Variants in MARCHF3 observed in about 807,000 individuals in gnomAD.
MARCHF3 encodes membrane associated ring-CH-type finger 3, also known as E3 ubiquitin-protein ligase MARCHF3.
Under a neutral mutation model 24.2 loss-of-function variants are expected in MARCHF3, and 13 were observed. That is an observed-to-expected ratio of 0.54 (90% CI 0.35 to 0.85). MARCHF3 has a LOEUF of 0.85. MARCHF3 is among the 40% of genes least tolerant of loss of function. MARCHF3 has a pLI of 0.01. For missense variants in MARCHF3, 276 were observed against 325.0 expected, an observed-to-expected ratio of 0.85 and a Z score of 1.16; for synonymous variants, 144 against 137.3, an observed-to-expected ratio of 1.05 and a Z score of -0.34.
rs200964939 is a variant in MARCHF3, at chr5:126,989,331, CTACTACTAATAA to C, written c.-57+41007_-57+41018del. ...AGTACTACTACTACTACTACTACTA[CTACTACTAATAA>C]TAATAATAATATTAGGACTAAAGAG... On this transcript the variant is annotated intron_variant, in intron 1 of 4. Transcript: ENST00000308660. 7.7e-3 allele frequency among the ~76,000 whole-genome samples: 1,096 copies of C among 142,266 alleles called. 15 individuals carry two copies. Among genetic ancestry groups the C allele is most frequent in the East Asian group, 0.029 (125 of 4,262 alleles). The allele number at this position is 142,266 out of a possible 152,430, so 93.3% of individuals were successfully genotyped here.
chr5:126,871,768 A>C (rs1355293350), intron 4 of MARCHF3, among the ~76,000 whole-genome samples: 2 of 151,130 alleles, frequency 1.3e-5, no homozygotes, highest in Non-Finnish European at 2.9e-5. Flanking sequence ...GTGCGGTGAC[A>C]TGATCTCAGC....
rs771840871 is a variant in MARCHF3, at chr5:126,869,843, T to C, written c.*790A>G. ...AGGTTTTATCATTAAAAAAAGAGTATTGCAATCAGTGGGTTTTGTCTTTCA... is the reference window on the plus strand; with the variant it reads ...AGGTTTTATCATTAAAAAAAGAGTACTGCAATCAGTGGGTTTTGTCTTTCA... On this transcript the variant is annotated 3_prime_UTR_variant, in exon 5 of 5. Coordinates refer to ENST00000308660, the MANE Select transcript of MARCHF3 (RefSeq NM_178450.5). 1.3e-5 allele frequency: 2 copies of C among 152,486 alleles called. No individual in the cohort carries two copies. Among genetic ancestry groups the C allele is most frequent in the Admixed American group, 6.5e-5 (1 of 15,268 alleles). The allele number at this position is 152,486 out of a possible 1,614,324, so 9.4% of individuals were successfully genotyped here.
intron 1 of MARCHF3, among the ~76,000 whole-genome samples, chr5:126,919,452 TTAAA>T (rs1749022513): frequency 6.6e-6 from 1 of 152,166 alleles, no homozygotes; most frequent in African/African-American, 2.4e-5. Flanking sequence ...AGGCTCAGAC[TTAAA>T]TAAATGAAAT....
chr5:126,943,122 T>C (rs1178357149), intron 1 of MARCHF3, among the ~76,000 whole-genome samples: 2 of 152,070 alleles, frequency 1.3e-5, no homozygotes, highest in East Asian at 3.9e-4. Flanking sequence ...CCTGCCTCAC[T>C]GTGTTGAGTA....
At chr5:126,958,055 C>G (rs1449250469) in intron 1 of MARCHF3, among the ~76,000 whole-genome samples, 2 of 152,084 alleles carry the variant, frequency 1.3e-5, no homozygotes, top group Non-Finnish European at 2.9e-5. Context: ...CACGGGAAAG[C>G]TATTGATTTT....
chr5:126,918,926 AT>A (rs1749004023), intron 1 of MARCHF3, among the ~76,000 whole-genome samples: 1 of 152,168 alleles, frequency 6.6e-6, no homozygotes, highest in South Asian at 2.1e-4. Context: ...ATGAGCTTTT[AT>A]TTTCTAATGA....
At chr5:126,908,672 C>T (rs973319654) in intron 3 of MARCHF3, among the ~76,000 whole-genome samples, 9 of 151,586 alleles carry the variant, frequency 5.9e-5, no homozygotes, top group Non-Finnish European at 1.2e-4. Context: ...TCAGCTCCAT[C>T]AGCTCCTTTA....
intron 1 of MARCHF3, among the ~76,000 whole-genome samples, chr5:126,976,526 A>C (rs1751203864): frequency 6.6e-6 from 1 of 152,150 alleles, no homozygotes; most frequent in African/African-American, 2.4e-5. Flanking sequence ...TGTGGTTTCC[A>C]AAAGCTGAGC....
chr5:126,992,628 C>T (rs977068131), intron 1 of MARCHF3, among the ~76,000 whole-genome samples: 23 of 152,048 alleles, frequency 1.5e-4, no homozygotes, highest in African/African-American at 5.1e-4. Context: ...CTACACATTA[C>T]GGGTTCCTGG....
At chr5:126,977,298 T>C (rs568256332) in intron 1 of MARCHF3, among the ~76,000 whole-genome samples, 7 of 152,354 alleles carry the variant, frequency 4.6e-5, no homozygotes, top group African/African-American at 1.7e-4. Flanking sequence ...CCTTGGCTGC[T>C]GGAAAGCTTA....
chr5:127,002,207 A>G (rs73786290), intron 1 of MARCHF3, among the ~76,000 whole-genome samples: 7,854 of 152,326 alleles, frequency 0.052, 376 homozygotes, highest in South Asian at 0.14. Flanking sequence ...CCAGCCAAAC[A>G]GCAAGGCCTT....
chr5:126,999,348 G>C (rs1004951107), intron 1 of MARCHF3, among the ~76,000 whole-genome samples: 1 of 151,964 alleles, frequency 6.6e-6, no homozygotes, highest in Non-Finnish European at 1.5e-5. Context: ...CATTAGAGCC[G>C]GCCAGTCCAA....
rs1202237435 is a variant in MARCHF3, at chr5:126,897,700, G to A, written c.393+17230C>T. Among the ~76,000 whole-genome samples, 3 of 152,030 alleles carry A rather than the reference G, an allele frequency of 2.0e-5. No individual in the cohort carries two copies. In the South Asian group the frequency reaches 6.2e-4, roughly 32 times the overall value. ...GGGGAAGAAACCATTGACGCCTCTG[G>A]GCCAGTTTCCTCATTTATATCCACA... On this transcript the variant is annotated intron_variant, in intron 3 of 4. Transcript: ENST00000308660.
intron 1 of MARCHF3, among the ~76,000 whole-genome samples, chr5:127,017,396 C>G (rs910295353): frequency 6.6e-6 from 1 of 152,168 alleles, no homozygotes; most frequent in Non-Finnish European, 1.5e-5. Context: ...ATTACTCAAA[C>G]TTCCCTCTTG....
intron 1 of MARCHF3, among the ~76,000 whole-genome samples, chr5:127,006,835 G>A (rs1752325853): frequency 6.6e-6 from 1 of 152,098 alleles, no homozygotes; most frequent in African/African-American, 2.4e-5. Context: ...ATTAACATTA[G>A]TAACGTCCCG....
chr5:126,938,551 C>CA (rs780942587), intron 1 of MARCHF3, among the ~76,000 whole-genome samples: 1,876 of 130,430 alleles, frequency 0.014, 15 homozygotes, highest in Non-Finnish European at 0.018. Flanking sequence ...GCAAAAAAAG[C>CA]AAAAAAAAAA....
chr5:126,906,530 CCTGGT>C (rs759975283), intron 3 of MARCHF3, among the ~76,000 whole-genome samples: 2 of 152,210 alleles, frequency 1.3e-5, no homozygotes, highest in Non-Finnish European at 2.9e-5. Flanking sequence ...TCAACTTCTT[CCTGGT>C]TCAGTCTTGG....
At chr5:126,997,550 A>G (rs1751988766) in intron 1 of MARCHF3, among the ~76,000 whole-genome samples, 1 of 152,166 alleles carries the variant, frequency 6.6e-6, no homozygotes, top group Non-Finnish European at 1.5e-5. Flanking sequence ...TAGGCTTTCG[A>G]TCTCTCCCTA....
chr5:126,902,528 A>G (rs1243838157), intron 3 of MARCHF3, among the ~76,000 whole-genome samples: 2 of 152,066 alleles, frequency 1.3e-5, no homozygotes, highest in African/African-American at 4.8e-5. Flanking sequence ...AATTCTTTTT[A>G]TACACAGAAC....
Sources: gnomAD v4.1 joint callset for allele counts (sites outside exome capture counted in the v4.1 genomes callset) on GRCh38, gnomAD v4.1.1 for gene constraint, MANE v1.5 for transcripts, NCBI Gene and HGNC (gene_info 2026-07-23, HGNC 2026-07-21) for gene names.